SLC15A2: variants seen among roughly 807,000 people sequenced by gnomAD.
SLC15A2 encodes the protein kidney H(+)/peptide cotransporter.
Under a neutral mutation model 95.5 loss-of-function variants are expected in SLC15A2, and 77 were observed. The ratio of observed to expected loss-of-function variants is 0.81; its 90% confidence interval spans 0.67 to 0.97. SLC15A2 has a LOEUF of 0.97. SLC15A2 is among the 50% of genes least tolerant of loss of function. The pLI, the probability that SLC15A2 is intolerant of heterozygous loss-of-function variation, is 0.00. For synonymous variants in SLC15A2, 306 were observed against 306.9 expected (o/e 1.00, Z 0.03); for missense variants, 893 against 874.4 (o/e 1.02, Z -0.27).
intron 7 of SLC15A2, among the ~76,000 whole-genome samples, chr3:121,920,305 A>AC (rs1709978830): frequency 6.6e-6 from 1 of 151,532 alleles, no homozygotes; most frequent in Non-Finnish European, 1.5e-5. Context: ...TTTATTTTTT[A>AC]CTTTTTTTGG....
In SLC15A2 at chr3:121,930,873, C is replaced by A. The variant is rs1710219159; in HGVS notation, c.1587C>A (p.Ile529=). 1 of 1,613,050 alleles carries A rather than the reference C, an allele frequency of 6.2e-7. No individual in the cohort carries two copies. Among genetic ancestry groups the A allele is most frequent in the Admixed American group, 1.7e-5 (1 of 59,992 alleles). Residue 529 remains isoleucine (I), a synonymous_variant, in exon 18 of 22, where the codon ATC becomes ATA. Transcript: ENST00000489711. ...FVNTLHKDVN[I]SLSTDTSLNV... is the part of the protein sequence containing the mutation. ...ACACTTTGCATAAAGATGTCAACAT[C>A]TCCCTGAGTACAGATACCTCTCTCA...
intron 3 of SLC15A2, among the ~76,000 whole-genome samples, chr3:121,903,676 T>C (rs1709566529): frequency 6.6e-6 from 1 of 152,192 alleles, no homozygotes; most frequent in South Asian, 2.1e-4. Flanking sequence ...TGTGGTGTTA[T>C]TTCTGAGGCC....
chr3:121,912,942 C>T (rs1029822561), intron 4 of SLC15A2, 79 bp from the exon 5 acceptor site: 20 of 949,566 alleles, frequency 2.1e-5, no homozygotes, highest in Non-Finnish European at 3.3e-5. Flanking sequence ...CACATTTTTT[C>T]CCCTCTGCAG....
chr3:121,923,368 C>A, intron 11 of SLC15A2, 102 bp downstream of exon 11: 1 of 1,188,332 alleles, frequency 8.4e-7, no homozygotes, highest in South Asian at 1.4e-5. Flanking sequence ...CTAACAAGAT[C>A]TTCAGAGAAG....
chr3:121,929,494 G>T (rs1710188912), intron 17 of SLC15A2, 146 bp downstream of exon 17: 2 of 789,722 alleles, frequency 2.5e-6, no homozygotes, highest in Non-Finnish European at 4.1e-6. Context: ...GCATTTTCTA[G>T]GACAGTGAGA....
chr3:121,908,128 C>G (rs933502310), intron 3 of SLC15A2, among the ~76,000 whole-genome samples: 2 of 152,200 alleles, frequency 1.3e-5, no homozygotes, highest in Non-Finnish European at 2.9e-5. Flanking sequence ...CCTCGTGGGT[C>G]GATCTCAGAC....
At chr3:121,897,557 A>C (rs1229144245) in intron 3 of SLC15A2, 28 bp downstream of exon 3, 1 of 1,612,070 alleles carries the variant, frequency 6.2e-7, no homozygotes, top group Admixed American at 1.7e-5. Context: ...TCACATCCCT[A>C]CAAGTTTCAC....
At chr3:121,903,617 C>G (rs1709564471) in intron 3 of SLC15A2, among the ~76,000 whole-genome samples, 1 of 152,096 alleles carries the variant, frequency 6.6e-6, no homozygotes, top group African/African-American at 2.4e-5. Flanking sequence ...AATCCTTTCC[C>G]CATTGCTTGT....
intron 9 of SLC15A2, 50 bp downstream of exon 9, chr3:121,922,911 A>G (rs771850324): frequency 1.3e-6 from 2 of 1,564,868 alleles, no homozygotes; most frequent in South Asian, 2.2e-5. Context: ...GTCTTTCCTA[A>G]TGTTCAAAAT....
intron 11 of SLC15A2, among the ~76,000 whole-genome samples, chr3:121,923,780 G>A (rs2689292): frequency 0.45 from 67,630 of 151,814 alleles, 15,566 homozygotes; most frequent in East Asian, 0.69. Context: ...ACTCTCAATT[G>A]TTCTTTTCCT....
intron 19 of SLC15A2, among the ~76,000 whole-genome samples, chr3:121,931,992 C>G (rs773829943): frequency 5.3e-5 from 8 of 152,098 alleles, no homozygotes; most frequent in African/African-American, 1.2e-4. Context: ...CTCTGCCTCC[C>G]GGGTTAAAGT....
chr3:121,919,642 G>C (rs1345140747), intron 7 of SLC15A2, among the ~76,000 whole-genome samples: 12 of 152,150 alleles, frequency 7.9e-5, no homozygotes, highest in Non-Finnish European at 2.9e-5. Context: ...CGGCAAGTCG[G>C]TTTTCAGGCT....
intron 21 of SLC15A2, 108 bp downstream of exon 21, chr3:121,940,596 G>A: frequency 4.0e-6 from 4 of 990,902 alleles, no homozygotes; most frequent in South Asian, 1.4e-5. Context: ...ATTCAGTGCT[G>A]TGACATGAAA....
chr3:121,930,767 C>A, intron 17 of SLC15A2, 73 bp from the exon 18 acceptor site: 1 of 940,516 alleles, frequency 1.1e-6, no homozygotes, highest in Admixed American at 2.0e-5. Flanking sequence ...ATACCCAAAA[C>A]ATAAAAGGCC....
Position 121,925,763 on chromosome 3 carries a change from TATATATATATATATATATAA to T in SLC15A2, c.1124+732_1124+751del, listed in dbSNP as rs1357039142. On this transcript the variant is annotated intron_variant, in intron 13 of 21. Transcript: ENST00000489711. Reference sequence around the variant, plus strand: ...ATATATATATATATATATATATATATATATATATATATATATATAAAATACAACTACTACACAGGTAAAAT... The same window carrying T: ...ATATATATATATATATATATATATATAATACAACTACTACACAGGTAAAAT... Among the ~76,000 whole-genome samples the T allele has an allele frequency of 1.2e-3, 103 of 88,178 alleles. 6 individuals carry two copies. Among genetic ancestry groups the T allele is most frequent in the African/African-American group, 2.4e-3 (43 of 17,906 alleles). The allele number at this position is 88,178 out of a possible 152,430, so 57.8% of individuals were successfully genotyped here. A position where few individuals can be genotyped will look rare whatever the true frequency, so the allele number is the denominator to read the frequency against.
Position 121,932,798 on chromosome 3 carries a change from A to G in SLC15A2, c.1761+1063A>G, listed in dbSNP as rs181510994. Among the ~76,000 whole-genome samples the G allele has an allele frequency of 1.4e-3, 213 of 152,252 alleles. 4 individuals are homozygous for G. Among genetic ancestry groups the G allele is most frequent in the Admixed American group, 2.9e-3 (45 of 15,306 alleles). On this transcript the variant is annotated intron_variant, in intron 19 of 21. Transcript: ENST00000489711. ...TATTATACTTTAAGTTTTAGGGTAC[A>G]TGTGCACATTGTGCAGGTTAGTTAC...
chr3:121,917,558 C>T (rs1273066229), intron 7 of SLC15A2, among the ~76,000 whole-genome samples: 1 of 152,058 alleles, frequency 6.6e-6, no homozygotes, highest in African/African-American at 2.4e-5. Context: ...TATGATGGCG[C>T]ACACCTATGA....
rs35292845 is a variant in SLC15A2 at position 121,896,365 on chromosome 3, A to T, written c.106-41A>T. 1.0e-3 allele frequency: 1,510 copies of T among 1,497,396 alleles called. 4 individuals carry two copies. The highest frequency in any genetic ancestry group is 5.8e-3 in the Middle Eastern group (34 of 5,854). The allele number at this position is 1,497,396 out of a possible 1,614,324, so 92.8% of individuals were successfully genotyped here. On this transcript the variant is annotated intron_variant, in intron 1 of 21. Coordinates refer to ENST00000489711, the MANE Select transcript of SLC15A2 (RefSeq NM_021082.4). ...AGAAATCTAATTGTTGAAACAGGGAAAAACAGCTCATGCTTGAATCATTGC... is the reference window on the plus strand; with the variant it reads ...AGAAATCTAATTGTTGAAACAGGGATAAACAGCTCATGCTTGAATCATTGC...
Position 121,930,948 on chromosome 3 carries a change from A to G in SLC15A2, c.1662A>G (p.Gly554=). The change falls in exon 18 of 22, where the codon GGA becomes GGG. Residue 554 remains glycine, a splice_region_variant and synonymous_variant. Coordinates refer to ENST00000489711, the MANE Select transcript of SLC15A2 (RefSeq NM_021082.4). ...CTGCTTATAGAACTGTGCAAAGAGG[A>G]GAGTAAGTGCATTGCCCCTGTGGAC... ...GVSAYRTVQR[G]EYPAVHCRTE... The G allele has an allele frequency of 6.3e-7, 1 of 1,584,394 alleles. No homozygotes were observed. The highest frequency in any genetic ancestry group is 8.7e-7 in the Non-Finnish European group (1 of 1,153,268).
Sources: gnomAD v4.1 joint callset for allele counts (sites outside exome capture counted in the v4.1 genomes callset) on GRCh38, gnomAD v4.1.1 for gene constraint, MANE v1.5 for transcripts, NCBI Gene and HGNC (gene_info 2026-07-23, HGNC 2026-07-21) for gene names.